The following KCNAB1 variants were observed in gnomAD, a reference collection of about 807,000 sequenced individuals.
KCNAB1 encodes potassium voltage-gated channel subfamily A regulatory beta subunit 1.
In KCNAB1, 35 loss-of-function variants were observed where a neutral mutation model predicts 64.6. The observed-to-expected ratio is 0.54, with a 90% CI of 0.41 to 0.72. KCNAB1 has a LOEUF of 0.72. Ranked by LOEUF, KCNAB1 falls within the 30% of genes least tolerant of loss-of-function variation. KCNAB1 has a pLI of 0.00. For missense variants in KCNAB1, 401 were observed against 512.9 expected, an observed-to-expected ratio of 0.78 and a Z score of 2.11; for synonymous variants, 177 against 183.8, an observed-to-expected ratio of 0.96 and a Z score of 0.30.
At chr3:156,362,168 A>G (rs1725656760) in intron 1 of KCNAB1, among the ~76,000 whole-genome samples, 2 of 151,950 alleles carry the variant, frequency 1.3e-5, no homozygotes, top group Admixed American at 6.5e-5. Context: ...TAAGACTGAA[A>G]AGTGTACAGT....
intron 1 of KCNAB1, among the ~76,000 whole-genome samples, chr3:156,125,481 A>G (rs1713602116): frequency 6.6e-6 from 1 of 152,260 alleles, no homozygotes; most frequent in Non-Finnish European, 1.5e-5. Context: ...GAGCTTTTAC[A>G]TACTATCAGT....
At chr3:156,151,869 G>A (rs1172679484) in intron 1 of KCNAB1, among the ~76,000 whole-genome samples, 2 of 152,138 alleles carry the variant, frequency 1.3e-5, no homozygotes, top group Admixed American at 6.5e-5. Flanking sequence ...ATCAGTATTG[G>A]ATGGCAATAT....
In KCNAB1 at chr3:156,537,202, A is replaced by ATTGT; in HGVS notation, c.*457_*460dup. On this transcript the variant is annotated 3_prime_UTR_variant, in exon 14 of 14. Transcript: ENST00000490337. ...AGAGATTTTTCTTAGTAAATAGATT[A>ATTGT]TTGTTAAGTAAATAGTTATTAAAAA... 1 of 392,922 alleles carries ATTGT rather than the reference A, an allele frequency of 2.5e-6. No individual in the cohort carries two copies. The highest frequency in any genetic ancestry group is 1.4e-4 in the South Asian group (1 of 7,310). 24.3% of individuals were successfully genotyped at this position (392,922 alleles called of 1,614,324 possible).
intron 1 of KCNAB1, among the ~76,000 whole-genome samples, chr3:156,264,627 G>A (rs1309148683): frequency 1.3e-5 from 2 of 152,034 alleles, no homozygotes; most frequent in Non-Finnish European, 2.9e-5. Flanking sequence ...CTGATAAAAT[G>A]TAGAAACTTC....
chr3:156,129,430 G>A (rs1015388545), intron 1 of KCNAB1, among the ~76,000 whole-genome samples: 1 of 152,084 alleles, frequency 6.6e-6, no homozygotes, highest in African/African-American at 2.4e-5. Context: ...GTGCAGTTGT[G>A]GTATTAGCCA....
intron 2 of KCNAB1, among the ~76,000 whole-genome samples, chr3:156,428,202 A>G (rs1407087836): frequency 1.3e-5 from 2 of 152,168 alleles, no homozygotes; most frequent in East Asian, 3.8e-4. Context: ...GCCCTCCCTA[A>G]TGTGGGTAGC....
intron 8 of KCNAB1, among the ~76,000 whole-genome samples, chr3:156,483,455 C>T (rs539566321): frequency 2.1e-4 from 32 of 152,068 alleles, no homozygotes; most frequent in African/African-American, 7.2e-4. Context: ...TCAATATCAC[C>T]TCTTTCCATT....
At chr3:156,156,845 C>A (rs1209589946) in intron 1 of KCNAB1, among the ~76,000 whole-genome samples, 2 of 152,050 alleles carry the variant, frequency 1.3e-5, no homozygotes, top group Non-Finnish European at 1.5e-5. Flanking sequence ...ATATATAAAT[C>A]TTGGAGTCAT....
chr3:156,488,536 A>G (rs993111153), intron 8 of KCNAB1, among the ~76,000 whole-genome samples: 2 of 152,118 alleles, frequency 1.3e-5, no homozygotes, highest in Admixed American at 6.6e-5. Context: ...AGAGTAAGGA[A>G]GGGGGAAGGT....
intron 2 of KCNAB1, among the ~76,000 whole-genome samples, chr3:156,440,770 A>C (rs1210365539): frequency 1.3e-5 from 2 of 152,196 alleles, no homozygotes; most frequent in Non-Finnish European, 2.9e-5. Flanking sequence ...TTTAAGCCGA[A>C]ATCATTAACA....
chr3:156,364,301 T>C (rs1457074575), intron 1 of KCNAB1, among the ~76,000 whole-genome samples: 1 of 152,252 alleles, frequency 6.6e-6, no homozygotes, highest in East Asian at 1.9e-4. Context: ...GTAAAGTGAT[T>C]AGTTCTAGTT....
At chr3:156,322,108 G>A (rs1023520979) in intron 1 of KCNAB1, among the ~76,000 whole-genome samples, 9 of 152,110 alleles carry the variant, frequency 5.9e-5, no homozygotes, top group South Asian at 4.2e-4. Flanking sequence ...ATGCTCACTC[G>A]CACAGCGACA....
At chr3:156,437,042 G>T (rs1370989558) in intron 2 of KCNAB1, among the ~76,000 whole-genome samples, 1 of 151,980 alleles carries the variant, frequency 6.6e-6, no homozygotes, top group Non-Finnish European at 1.5e-5. Context: ...TATAGTTTTG[G>T]GTTTTACATC....
chr3:156,164,908 A>T (rs1278433493), intron 1 of KCNAB1, among the ~76,000 whole-genome samples: 1 of 152,224 alleles, frequency 6.6e-6, no homozygotes, highest in East Asian at 1.9e-4. Context: ...AAGAATTGAA[A>T]AGCTGTACTG....
At chr3:156,426,345 C>T (rs1715814937) in intron 2 of KCNAB1, among the ~76,000 whole-genome samples, 1 of 152,254 alleles carries the variant, frequency 6.6e-6, no homozygotes, top group Non-Finnish European at 1.5e-5. Context: ...TTTAAGTTCA[C>T]TACAAAACTG....
At chr3:156,397,292 G>T (rs1361718367) in intron 1 of KCNAB1, among the ~76,000 whole-genome samples, 1 of 152,130 alleles carries the variant, frequency 6.6e-6, no homozygotes, top group Non-Finnish European at 1.5e-5. Flanking sequence ...TTGCTTATTG[G>T]GAGTAAATGG....
intron 1 of KCNAB1, among the ~76,000 whole-genome samples, chr3:156,418,417 G>A (rs1172279263): frequency 6.6e-6 from 1 of 152,198 alleles, no homozygotes; most frequent in Non-Finnish European, 1.5e-5. Context: ...CAAACAAGCT[G>A]CTGAACTCAT....
intron 1 of KCNAB1, among the ~76,000 whole-genome samples, chr3:156,326,871 C>G (rs1722994924): frequency 6.6e-6 from 1 of 152,116 alleles, no homozygotes; most frequent in Non-Finnish European, 1.5e-5. Flanking sequence ...TTGACCACTA[C>G]TTGGTATAAC....
At chr3:156,169,328 A>G (rs1577665777) in intron 1 of KCNAB1, among the ~76,000 whole-genome samples, 1 of 152,184 alleles carries the variant, frequency 6.6e-6, no homozygotes, top group African/African-American at 2.4e-5. Context: ...CTTGAGCTCA[A>G]TCTATATAAT....
Sources: allele counts gnomAD v4.1 joint callset (sites outside exome capture counted in the v4.1 genomes callset), GRCh38; gene constraint gnomAD v4.1.1; transcripts MANE v1.5; gene names NCBI Gene and HGNC (gene_info 2026-07-23, HGNC 2026-07-21).